WLS: variants seen among roughly 807,000 people sequenced by gnomAD.
The protein encoded by WLS is protein wntless homolog.
Under a neutral mutation model 62.8 loss-of-function variants are expected in WLS, and 23 were observed. The observed-to-expected ratio is 0.37, with a 90% confidence interval of 0.26 to 0.52. The LOEUF (loss-of-function observed/expected upper bound fraction) is 0.52. Among genes scored for constraint, WLS ranks in the 20% least tolerant of loss-of-function variants. The pLI, the probability that WLS is intolerant of heterozygous loss-of-function variation, is 0.92. For synonymous variants in WLS, 246 were observed against 244.1 expected, an observed-to-expected ratio of 1.01 and a Z score of -0.07; for missense variants, 615 against 697.3, an observed-to-expected ratio of 0.88 and a Z score of 1.33.
In WLS at chr1:68,137,911, C is replaced by A; in HGVS notation, c.1385G>T (p.Trp462Leu). The part of the protein sequence containing the change: ...VSQVTEGHWK[W>L]GGVTVQVNSA... Reference sequence around the variant, plus strand: ...GTTCACTTGGACTGTGACGCCGCCCCATTTCCAATGGCCTTCCGTTACCTG... The same window carrying A: ...GTTCACTTGGACTGTGACGCCGCCCAATTTCCAATGGCCTTCCGTTACCTG... The change falls in exon 11 of 12, where the codon TGG (tryptophan) becomes TTG (leucine). Residue 462 changes from tryptophan to leucine, a missense_variant. By Grantham distance (61) the Trp-to-Leu change is moderately conservative (BLOSUM62 -2). Transcript: ENST00000262348. 6.2e-7 allele frequency: 1 copy of A among 1,613,898 alleles called. No individual in the cohort carries two copies. Among genetic ancestry groups the A allele is most frequent in the Non-Finnish European group, 8.5e-7 (1 of 1,179,862 alleles).
chr1:68,124,714 C>T (rs550582140), downstream of WLS, among the ~76,000 whole-genome samples: 1 of 152,236 alleles, frequency 6.6e-6, no homozygotes, highest in South Asian at 2.1e-4. Context: ...TAGCCAAAGT[C>T]AAAGCATTTT....
intron 1 of WLS, among the ~76,000 whole-genome samples, chr1:68,200,589 A>C (rs1184699541): frequency 7.2e-6 from 1 of 138,150 alleles, no homozygotes; most frequent in Non-Finnish European, 1.6e-5. Context: ...TTTTCCAGCT[A>C]TTGCTTTTGA....
chr1:68,119,141 A>G (rs1452014531), intron 11 of WLS, among the ~76,000 whole-genome samples: 1 of 152,130 alleles, frequency 6.6e-6, no homozygotes, highest in Non-Finnish European at 1.5e-5. Flanking sequence ...AGTCATGAAA[A>G]TCATGTTATA....
rs1646420294 is a variant in WLS at position 68,125,744 on chromosome 1, G to C, written c.*482C>G. 1 of 985,712 alleles carries C rather than the reference G, an allele frequency of 1.0e-6. No homozygotes were observed. The highest frequency in any genetic ancestry group is 6.1e-5 in the Admixed American group (1 of 16,320). 61.1% of individuals were successfully genotyped at this position (985,712 alleles called of 1,614,324 possible). On this transcript the variant is annotated 3_prime_UTR_variant, in exon 12 of 12. Coordinates refer to ENST00000262348, the MANE Select transcript of WLS (RefSeq NM_024911.7). ...AGTGGGCTACCTGGTGATATAAATA[G>C]GAAAAAAACAGTGGTCATGGATTAG... is the stretch of plus-strand genomic sequence containing the variant.
At chr1:68,147,130 A>G (rs1646762672) in intron 8 of WLS, among the ~76,000 whole-genome samples, 1 of 152,212 alleles carries the variant, frequency 6.6e-6, no homozygotes, top group Admixed American at 6.5e-5. Flanking sequence ...TATCTAATGC[A>G]GTTTCTCCTT....
chr1:68,213,014 C>CT (rs1649577258), intron 1 of WLS, among the ~76,000 whole-genome samples: 1 of 152,194 alleles, frequency 6.6e-6, no homozygotes, highest in Non-Finnish European at 1.5e-5. Context: ...GGTAACCTAA[C>CT]ATGTCTGAAG....
At chr1:68,203,902 G>C (rs573390207) in intron 1 of WLS, among the ~76,000 whole-genome samples, 2 of 152,182 alleles carry the variant, frequency 1.3e-5, no homozygotes, top group Admixed American at 1.3e-4. Flanking sequence ...GCAAGAGCCT[G>C]AACTAAATAT....
rs764940216 is a variant in WLS, at chr1:68,137,782, T to C, written c.1514A>G (p.Asn505Ser). The C allele has an allele frequency of 3.6e-5, 58 of 1,613,664 alleles. No homozygotes were observed. Among genetic ancestry groups the C allele is most frequent in the Non-Finnish European group, 4.3e-5 (51 of 1,179,706 alleles). ...SHKNYGEDQS[N>S]GDLGVHSGEE... is the part of the protein sequence containing the mutation. ...GTTCTAAAGAGACAGAAACTCACCA[T>C]TGGACTGGTCTTCTCCATAGTTTTT... The change falls in exon 11 of 12, where the codon AAT becomes AGT. Residue 505 changes from asparagine (N) to serine (S), a missense_variant and splice_region_variant. Transcript: ENST00000262348.
chr1:68,132,406 C>T (rs1480353226), intron 11 of WLS, among the ~76,000 whole-genome samples: 5 of 152,284 alleles, frequency 3.3e-5, no homozygotes, highest in South Asian at 4.1e-4. Flanking sequence ...ATCTAATGTA[C>T]AATCAGGGAG....
At chr1:68,141,977 C>T (rs974627386) in intron 10 of WLS, among the ~76,000 whole-genome samples, 4 of 152,288 alleles carry the variant, frequency 2.6e-5, no homozygotes, top group South Asian at 2.1e-4. Flanking sequence ...GGCCGACTGT[C>T]GCAGCAGATA....
At chr1:68,104,078 C>CTT (rs1308321748) in intron 11 of WLS, among the ~76,000 whole-genome samples, 2 of 152,118 alleles carry the variant, frequency 1.3e-5, no homozygotes, top group Non-Finnish European at 2.9e-5. Context: ...AGAGTCCCAC[C>CTT]TTGAGGCACA....
At chr1:68,104,800 G>GC (rs1204734262) in intron 11 of WLS, among the ~76,000 whole-genome samples, 1 of 152,180 alleles carries the variant, frequency 6.6e-6, no homozygotes, top group East Asian at 1.9e-4. Flanking sequence ...CATGCCTGTA[G>GC]CCCCAGCTAC....
chr1:68,163,388 C>T lies in WLS; in HGVS notation c.380-4141G>A, dbSNP rs534478633. On this transcript the variant is annotated intron_variant, in intron 2 of 11. Transcript: ENST00000262348. Reference sequence around the variant, plus strand: ...GCCGCGGTGGCGGTGGCTCCCGCCCCTCCCACCCCACCCTGCGGCGGTGGC... The same window carrying T: ...GCCGCGGTGGCGGTGGCTCCCGCCCTTCCCACCCCACCCTGCGGCGGTGGC... 4.0e-3 allele frequency among the ~76,000 whole-genome samples: 608 copies of T among 152,214 alleles called. 4 individuals are homozygous for T. The highest frequency in any genetic ancestry group is 0.014 in the African/African-American group (592 of 41,544).
chr1:68,232,450 G>C lies in WLS; in HGVS notation c.-151C>G. 7.2e-7 allele frequency: 1 copy of C among 1,393,100 alleles called. No individual in the cohort carries two copies. Among genetic ancestry groups the C allele is most frequent in the Non-Finnish European group, 9.3e-7 (1 of 1,071,294 alleles). 86.3% of individuals were successfully genotyped at this position (1,393,100 alleles called of 1,614,324 possible). On this transcript the variant is annotated 5_prime_UTR_variant, in exon 1 of 12. Coordinates refer to ENST00000262348, the MANE Select transcript of WLS (RefSeq NM_024911.7). ...CTGGAGCGCGGCGAGGATGGGACCG[G>C]GACGGAAGGCGCCCGCACGGATTCC...
chr1:68,230,588 C>CGCGTGTGTGTACGCGCGCGT (rs1553139180), intron 1 of WLS, among the ~76,000 whole-genome samples: 2 of 149,050 alleles, frequency 1.3e-5, no homozygotes, highest in Non-Finnish European at 3.0e-5. Flanking sequence ...TGTGTGCGCG[C>CGCGTGTGTGTACGCGCGCGT]GTGTGTGTGT....
intron 2 of WLS, chr1:68,162,337 A>C: frequency 1.2e-6 from 2 of 1,613,778 alleles, no homozygotes; most frequent in Non-Finnish European, 1.7e-6. Flanking sequence ...GTCATTGATG[A>C]GGTGGTGGTT....
intron 11 of WLS, among the ~76,000 whole-genome samples, chr1:68,126,731 G>A (rs1020992221): frequency 6.6e-6 from 1 of 152,188 alleles, no homozygotes; most frequent in Non-Finnish European, 1.5e-5. Context: ...TACAGATGAG[G>A]AAGCTGGGAG....
chr1:68,211,439 G>T (rs1263406647), intron 1 of WLS, among the ~76,000 whole-genome samples: 1 of 151,954 alleles, frequency 6.6e-6, no homozygotes, highest in African/African-American at 2.4e-5. Flanking sequence ...ACACCTAAGA[G>T]AATTTTCCCT....
chr1:68,231,184 C>T (rs1165241132), intron 1 of WLS, among the ~76,000 whole-genome samples: 1 of 152,106 alleles, frequency 6.6e-6, no homozygotes, highest in East Asian at 1.9e-4. Flanking sequence ...GATGGGGAGA[C>T]AGTGAGGGGA....
Sources: allele counts gnomAD v4.1 joint callset (sites outside exome capture counted in the v4.1 genomes callset), GRCh38; gene constraint gnomAD v4.1.1; transcripts MANE v1.5; gene names NCBI Gene and HGNC (gene_info 2026-07-23, HGNC 2026-07-21).